The following SOX5 variants were observed in gnomAD, a reference collection of about 807,000 sequenced individuals.
SOX5 encodes transcription factor SOX-5.
In SOX5, 9 loss-of-function variants were observed where a neutral mutation model predicts 92.0. That is an observed-to-expected ratio of 0.10 (90% CI 0.06 to 0.17). The LOEUF (loss-of-function observed/expected upper bound fraction) is 0.17, where lower values mean the gene tolerates loss of function less well. Among genes scored for constraint, SOX5 ranks in the 10% least tolerant of loss-of-function variants. The pLI, the probability that SOX5 is intolerant of heterozygous loss-of-function variation, is 1.00. For missense variants in SOX5, 642 were observed against 944.5 expected, an observed-to-expected ratio of 0.68 and a Z score of 4.20; for synonymous variants, 344 against 336.3, an observed-to-expected ratio of 1.02 and a Z score of -0.25.
chr12:24,448,276 T>C (rs1941779085), intron 1 of SOX5, among the ~76,000 whole-genome samples: 1 of 152,128 alleles, frequency 6.6e-6, no homozygotes, highest in Non-Finnish European at 1.5e-5. Context: ...ACAATAACCA[T>C]CTCACAGTAA....
chr12:24,549,075 T>A (rs1952915413), intron 1 of SOX5, among the ~76,000 whole-genome samples: 1 of 152,202 alleles, frequency 6.6e-6, no homozygotes, highest in East Asian at 1.9e-4. Flanking sequence ...CACATGCTAT[T>A]CCTTTCACCT....
chr12:24,294,952 A>G (rs996755418), intron 2 of SOX5, among the ~76,000 whole-genome samples: 1 of 152,224 alleles, frequency 6.6e-6, no homozygotes, highest in Non-Finnish European at 1.5e-5. Context: ...CAAAAGGTAA[A>G]ATATGGAATT....
chr12:24,291,232 T>C (rs1946586200), intron 2 of SOX5, among the ~76,000 whole-genome samples: 1 of 152,216 alleles, frequency 6.6e-6, no homozygotes, highest in Non-Finnish European at 1.5e-5. Flanking sequence ...AAAGTGTTAA[T>C]AAATCACTCG....
At chr12:24,232,012 C>T (rs906579344) in intron 3 of SOX5, among the ~76,000 whole-genome samples, 1 of 152,136 alleles carries the variant, frequency 6.6e-6, no homozygotes, top group Non-Finnish European at 1.5e-5. Context: ...TATCTTCAAA[C>T]GTTCTGAACA....
chr12:23,970,841 A>ATATATTTTTTTTTT, intron 4 of SOX5, among the ~76,000 whole-genome samples: 1 of 21,876 alleles, frequency 4.6e-5, no homozygotes, highest in Non-Finnish European at 1.0e-4. Context: ...TATATATATA[A>ATATATTTTTTTTTT]TTTTTTTTTT....
intron 3 of SOX5, among the ~76,000 whole-genome samples, chr12:24,219,151 A>C (rs977141894): frequency 6.6e-6 from 1 of 152,098 alleles, no homozygotes; most frequent in Non-Finnish European, 1.5e-5. Flanking sequence ...TGCTTTAAAA[A>C]CATCAAATTT....
At chr12:24,256,134 T>C (rs2140203861) in intron 3 of SOX5, among the ~76,000 whole-genome samples, 1 of 152,316 alleles carries the variant, frequency 6.6e-6, no homozygotes, top group East Asian at 1.9e-4. Context: ...ACTGATAAGC[T>C]ATGCAAACTT....
chr12:23,936,834 T>G (rs1252808008), intron 1 of SOX5, among the ~76,000 whole-genome samples: 1 of 151,088 alleles, frequency 6.6e-6, no homozygotes, highest in Non-Finnish European at 1.5e-5. Context: ...TAAAACTTAG[T>G]AAGATATTTT....
chr12:24,095,297 T>A (rs534130907), intron 4 of SOX5, among the ~76,000 whole-genome samples: 2 of 152,092 alleles, frequency 1.3e-5, no homozygotes, highest in African/African-American at 4.8e-5. Context: ...CAAAATAGAA[T>A]TGTAATTGTC....
At chr12:24,199,641 T>C (rs1254185867) in intron 4 of SOX5, among the ~76,000 whole-genome samples, 2 of 152,028 alleles carry the variant, frequency 1.3e-5, no homozygotes, top group South Asian at 4.1e-4. Context: ...TGGTTCCAAC[T>C]AAAATTAGAA....
chr12:24,276,301 G>C (rs1404339610), intron 3 of SOX5, among the ~76,000 whole-genome samples: 2 of 152,000 alleles, frequency 1.3e-5, no homozygotes, highest in Non-Finnish European at 2.9e-5. Context: ...TAACAATTTT[G>C]TTTTTAAAAG....
At chr12:24,321,823 C>T (rs756804968) in intron 2 of SOX5, among the ~76,000 whole-genome samples, 16 of 152,030 alleles carry the variant, frequency 1.1e-4, no homozygotes, top group African/African-American at 2.7e-4. Context: ...AGAAATTAAG[C>T]GGGGGAAAAG....
intron 4 of SOX5, among the ~76,000 whole-genome samples, chr12:23,997,318 G>A (rs1258055139): frequency 3.3e-5 from 5 of 152,248 alleles, no homozygotes; most frequent in African/African-American, 1.2e-4. Flanking sequence ...ATAATTTGGA[G>A]CTAAGTTTGG....
chr12:23,955,480 C>A (rs1302349294), upstream of SOX5, among the ~76,000 whole-genome samples: 2 of 152,092 alleles, frequency 1.3e-5, no homozygotes, highest in South Asian at 2.1e-4. Flanking sequence ...CAGGTAAAAC[C>A]CAGGGGCCAA....
At chr12:24,004,948 C>T (rs1455357335) in intron 4 of SOX5, among the ~76,000 whole-genome samples, 1 of 151,878 alleles carries the variant, frequency 6.6e-6, no homozygotes, top group Non-Finnish European at 1.5e-5. Context: ...TAAAAAATAG[C>T]CGATGCATGC....
chr12:24,551,184 C>T (rs4334120), intron 1 of SOX5, among the ~76,000 whole-genome samples: 36,037 of 152,128 alleles, frequency 0.24, 4,921 homozygotes, highest in African/African-American at 0.37. Flanking sequence ...AAGTTCCCAT[C>T]TCCCCCCAGC....
At chr12:23,706,526 A>C (rs962771670) in intron 6 of SOX5, among the ~76,000 whole-genome samples, 1 of 152,070 alleles carries the variant, frequency 6.6e-6, no homozygotes, top group African/African-American at 2.4e-5. Context: ...AGAACTATAG[A>C]GGGACAAAAT....
intron 2 of SOX5, among the ~76,000 whole-genome samples, chr12:24,339,163 C>CTCCCACACACA (rs1952273837): frequency 7.1e-6 from 1 of 140,382 alleles, no homozygotes; most frequent in Non-Finnish European, 1.5e-5. Context: ...TCTCTCTCTG[C>CTCCCACACACA]CACACACACA....
intron 2 of SOX5, among the ~76,000 whole-genome samples, chr12:23,894,265 A>G (rs549984081): frequency 1.1e-4 from 17 of 152,212 alleles, no homozygotes; most frequent in African/African-American, 4.1e-4. Context: ...GTCTCACTCT[A>G]TCACCAGGCT....
Sources: gnomAD v4.1 joint callset for allele counts (sites outside exome capture counted in the v4.1 genomes callset) on GRCh38, gnomAD v4.1.1 for gene constraint, MANE v1.5 for transcripts, NCBI Gene and HGNC (gene_info 2026-07-23, HGNC 2026-07-21) for gene names.